ICA1: variants seen among roughly 807,000 people sequenced by gnomAD.
The protein encoded by ICA1 is islet cell autoantigen 1, also known as 69 kDa islet cell autoantigen.
Under a neutral mutation model 71.0 loss-of-function variants are expected in ICA1, and 40 were observed. The ratio of observed to expected loss-of-function variants is 0.56; its 90% CI spans 0.44 to 0.73. ICA1 has a LOEUF of 0.73. Ranked by LOEUF, ICA1 falls within the 30% of genes least tolerant of loss-of-function variation. The pLI, the probability that ICA1 is intolerant of heterozygous loss-of-function variation, is 0.00. For synonymous variants in ICA1, 207 were observed against 209.5 expected, an observed-to-expected ratio of 0.99 and a Z score of 0.10; for missense variants, 578 against 576.5, an observed-to-expected ratio of 1.00 and a Z score of -0.03.
chr7:8,256,118 C>A (rs1810062275), intron 1 of ICA1, among the ~76,000 whole-genome samples: 1 of 152,172 alleles, frequency 6.6e-6, no homozygotes, highest in Non-Finnish European at 1.5e-5. Flanking sequence ...CTCCATTCTA[C>A]CTCTTAAAAA....
chr7:8,151,504 G>A (rs1050146119), intron 8 of ICA1, among the ~76,000 whole-genome samples: 13 of 152,216 alleles, frequency 8.5e-5, no homozygotes, highest in African/African-American at 3.1e-4. Flanking sequence ...GCTAAATGCT[G>A]TGTAAAGTAA....
At chr7:8,129,581 A>T (rs1216672385) in intron 12 of ICA1, among the ~76,000 whole-genome samples, 1 of 152,230 alleles carries the variant, frequency 6.6e-6, no homozygotes, top group African/African-American at 2.4e-5. Flanking sequence ...GTCTAATGTA[A>T]GCATTCTTAT....
intron 1 of ICA1, among the ~76,000 whole-genome samples, chr7:8,242,385 G>A (rs1343960094): frequency 2.0e-5 from 3 of 152,154 alleles, no homozygotes; most frequent in Non-Finnish European, 4.4e-5. Context: ...AAGACACAAT[G>A]TACCAGAATC....
chr7:8,219,316 C>A (rs1356091738), intron 5 of ICA1, among the ~76,000 whole-genome samples: 1 of 152,218 alleles, frequency 6.6e-6, no homozygotes, highest in Non-Finnish European at 1.5e-5. Context: ...TACTCTTCTT[C>A]ATGAAGTTTC....
intron 13 of ICA1, among the ~76,000 whole-genome samples, chr7:8,116,958 C>T (rs892582407): frequency 6.6e-6 from 1 of 152,192 alleles, no homozygotes; most frequent in Non-Finnish European, 1.5e-5. Flanking sequence ...TCACCTTGAA[C>T]TGTAATCCCC....
At chr7:8,148,041 C>T (rs1368617945) in intron 8 of ICA1, among the ~76,000 whole-genome samples, 7 of 152,096 alleles carry the variant, frequency 4.6e-5, no homozygotes, top group African/African-American at 4.8e-5. Context: ...CGACCTGCTA[C>T]GGGGTGGCAT....
At chr7:8,127,618 A>C (rs1331680872) in intron 13 of ICA1, among the ~76,000 whole-genome samples, 1 of 152,164 alleles carries the variant, frequency 6.6e-6, no homozygotes, top group Non-Finnish European at 1.5e-5. Context: ...CAAGAAGTCT[A>C]AAATCAAAGG....
At chr7:8,149,087 A>T (rs1584552010) in intron 8 of ICA1, among the ~76,000 whole-genome samples, 1 of 152,204 alleles carries the variant, frequency 6.6e-6, no homozygotes, top group East Asian at 1.9e-4. Flanking sequence ...TGACAGGAAC[A>T]CCTGCTCAGG....
intron 1 of ICA1, among the ~76,000 whole-genome samples, chr7:8,251,550 A>T (rs1209244770): frequency 6.6e-6 from 1 of 151,200 alleles, no homozygotes; most frequent in Admixed American, 6.6e-5. Context: ...TGAACACAAC[A>T]TCCTTTTCAA....
chr7:8,201,636 A>G lies in ICA1; in HGVS notation c.579+16669T>C, dbSNP rs191668942. 1.1e-3 allele frequency among the ~76,000 whole-genome samples: 173 copies of G among 152,324 alleles called. 1 individual carries two copies. The highest frequency in any genetic ancestry group is 4.1e-3 in the African/African-American group (169 of 41,576). ...AATAAAGCAGTGCAGTTGATGAAAAAGGGCCGAGTTTAGCTCCCAGGTTTC... is the reference window on the plus strand; with the variant it reads ...AATAAAGCAGTGCAGTTGATGAAAAGGGGCCGAGTTTAGCTCCCAGGTTTC... On this transcript the variant is annotated intron_variant, in intron 6 of 13. Coordinates refer to ENST00000402384, the MANE Select transcript of ICA1 (RefSeq NM_001136020.3).
intron 1 of ICA1, among the ~76,000 whole-genome samples, chr7:8,245,851 G>A (rs1296512628): frequency 1.3e-5 from 2 of 152,122 alleles, no homozygotes; most frequent in Non-Finnish European, 2.9e-5. Flanking sequence ...TACAAGTTTC[G>A]CAGTAAAGAC....
chr7:8,220,731 C>A (rs998939967), intron 5 of ICA1, among the ~76,000 whole-genome samples: 17 of 152,124 alleles, frequency 1.1e-4, no homozygotes, highest in African/African-American at 4.1e-4. Context: ...AAAACAACAG[C>A]GGTCTAGTTA....
At chr7:8,201,860 C>T (rs755637906) in intron 6 of ICA1, among the ~76,000 whole-genome samples, 1 of 152,118 alleles carries the variant, frequency 6.6e-6, no homozygotes, top group Non-Finnish European at 1.5e-5. Flanking sequence ...GATTTTAGAA[C>T]ATTCCTAGGG....
At chr7:8,164,606 A>T (rs560926539) in intron 6 of ICA1, among the ~76,000 whole-genome samples, 1 of 152,104 alleles carries the variant, frequency 6.6e-6, no homozygotes, top group East Asian at 1.9e-4. Flanking sequence ...TTCTTCCCCA[A>T]TCAGCTCTAA....
intron 1 of ICA1, among the ~76,000 whole-genome samples, chr7:8,240,752 A>G (rs1583665887): frequency 2.0e-5 from 3 of 152,316 alleles, no homozygotes; most frequent in African/African-American, 7.2e-5. Flanking sequence ...TGGCAGGAGA[A>G]CTACGTGACG....
At chr7:8,182,888 C>T (rs2128271056) in intron 6 of ICA1, among the ~76,000 whole-genome samples, 1 of 152,272 alleles carries the variant, frequency 6.6e-6, no homozygotes, top group South Asian at 2.1e-4. Context: ...GAGATTATAT[C>T]CTTGGATGAT....
chr7:8,258,810 T>G (rs1009461202), intron 1 of ICA1, among the ~76,000 whole-genome samples: 6 of 152,232 alleles, frequency 3.9e-5, no homozygotes, highest in Admixed American at 3.3e-4. Context: ...AGTGAAAGTG[T>G]GGTCAGCCAG....
At chr7:8,114,605 C>T (rs1784199520) in intron 13 of ICA1, among the ~76,000 whole-genome samples, 1 of 152,208 alleles carries the variant, frequency 6.6e-6, no homozygotes, top group Non-Finnish European at 1.5e-5. Flanking sequence ...CCTGACATGC[C>T]TTCCCTTCTC....
chr7:8,157,312 T>C (rs961050420), intron 7 of ICA1, 98 bp from the exon 8 acceptor site: 3 of 1,134,098 alleles, frequency 2.6e-6, no homozygotes, highest in African/African-American at 1.6e-5. Context: ...GAAGATTCTT[T>C]AAAGCATGAT....
Sources: gnomAD v4.1 joint callset for allele counts (sites outside exome capture counted in the v4.1 genomes callset) on GRCh38, gnomAD v4.1.1 for gene constraint, MANE v1.5 for transcripts, NCBI Gene and HGNC (gene_info 2026-07-23, HGNC 2026-07-21) for gene names.